Variants in TCF20 observed in about 807,000 individuals in gnomAD.
TCF20 encodes the protein transcription factor 20, also known as SPRE-binding protein.
A neutral mutation model predicts 148.6 loss-of-function variants in TCF20; 3 were observed. The observed-to-expected ratio is 0.02, with a 90% CI of 0.01 to 0.05. The LOEUF is 0.05. Ranked by LOEUF, TCF20 falls within the 10% of genes least tolerant of loss-of-function variation. The pLI, the probability that TCF20 is intolerant of heterozygous loss-of-function variation, is 1.00. For missense variants in TCF20, 2,350 were observed against 2,429.3 expected (o/e 0.97, Z 0.69); for synonymous variants, 1,049 against 909.5 (o/e 1.15, Z -2.76).
chr22:42,289,973 G>A (rs941979322), intron 1 of TCF20, among the ~76,000 whole-genome samples: 2 of 152,248 alleles, frequency 1.3e-5, no homozygotes, highest in South Asian at 4.1e-4. Flanking sequence ...AACTCCCACC[G>A]CTAATCGCCG....
rs1354787262 is a variant in TCF20, at chr22:42,213,788, T to C, written c.1518A>G (p.Gln506=). 1 of 1,613,988 alleles carries C rather than the reference T, an allele frequency of 6.2e-7. No homozygotes were observed. Among genetic ancestry groups the C allele is most frequent in the Admixed American group, 1.7e-5 (1 of 59,992 alleles). Reference sequence around the variant, plus strand: ...TAGGGGACTTCAGCTGTTCTTCAGGTTGTGAGGAGCCTTCAGAATTTGTGC... The same window carrying C: ...TAGGGGACTTCAGCTGTTCTTCAGGCTGTGAGGAGCCTTCAGAATTTGTGC... ...DSCTNSEGSS[Q]PEEQLKSPMA... The change falls in exon 2 of 6, where the codon CAA becomes CAG. Residue 506 remains glutamine, a synonymous_variant. Coordinates refer to ENST00000677622, the MANE Select transcript of TCF20 (RefSeq NM_001378418.1).
chr22:42,205,097 A>C (rs577093013), intron 2 of TCF20, among the ~76,000 whole-genome samples: 2 of 152,314 alleles, frequency 1.3e-5, no homozygotes, highest in East Asian at 3.9e-4. Context: ...AATGTCTCAA[A>C]GGTGATTTGT....
chr22:42,270,571 G>A lies in TCF20; in HGVS notation c.-269C>T, dbSNP rs1926557444. 2.7e-5 allele frequency among the ~76,000 whole-genome samples: 4 copies of A among 145,820 alleles called. No homozygotes were observed. The South Asian group carries it at 8.3e-4, about 30-fold the overall frequency. ...CGCCTCAGGGCGGGCTCCCCTGGCG[G>A]AGGCCGCGGCCGCCTCGCAGGGGCC... On this transcript the variant is annotated 5_prime_UTR_variant, in exon 1 of 6. Transcript: ENST00000677622.
Position 42,221,228 on chromosome 22 carries a change from T to C in TCF20, c.-36-5887A>G, listed in dbSNP as rs953245558. ...ACGTGGATTCATAGCGGCTTCCCCA[T>C]GAGCTCACGAGAACCATTCACTATG... On this transcript the variant is annotated intron_variant, in intron 1 of 5. Transcript: ENST00000677622. Among the ~76,000 whole-genome samples the C allele has an allele frequency of 9.2e-5, 14 of 152,350 alleles. No individual in the cohort carries two copies. The East Asian group carries it at 2.5e-3, about 27-fold the overall frequency.
intron 5 of TCF20, among the ~76,000 whole-genome samples, chr22:42,167,230 C>T (rs951619100): frequency 6.6e-6 from 1 of 152,234 alleles, no homozygotes; most frequent in Non-Finnish European, 1.5e-5. Flanking sequence ...CCACACTCAA[C>T]GCTCTATCAA....
Position 42,290,681 on chromosome 22 carries a change from G to A in TCF20, c.-37+52798C>T, listed in dbSNP as rs905774637. On this transcript the variant is annotated intron_variant, in intron 1 of 1. Coordinates refer to the TCF20 transcript ENST00000515426. The surrounding 1 kb of genome is among the most constrained non-coding windows in gnomAD (Gnocchi z 4.2). ...ACTCGCTGTGGCTGCAGCATACACC[G>A]CTGGGCCTGCCCCTTCAGCGTTGGT... is the stretch of plus-strand genomic sequence containing the variant. Among the ~76,000 whole-genome samples the A allele has an allele frequency of 1.1e-4, 16 of 152,356 alleles. No individual in the cohort carries two copies. The highest frequency in any genetic ancestry group is 3.4e-3 in the Middle Eastern group (1 of 294).
chr22:42,205,158 T>C (rs1417341175), intron 2 of TCF20, among the ~76,000 whole-genome samples: 1 of 152,244 alleles, frequency 6.6e-6, no homozygotes, highest in East Asian at 1.9e-4. Context: ...CTCTGTAATA[T>C]CATTCATGTC....
intron 1 of TCF20, among the ~76,000 whole-genome samples, chr22:42,240,015 C>CT (rs1924254810): frequency 6.6e-6 from 1 of 152,024 alleles, no homozygotes. Flanking sequence ...TGAGGTATCC[C>CT]TGTATTTCCA....
At position 42,214,459 on chromosome 22, in the gene TCF20, C is replaced by T; in HGVS notation, c.847G>A (p.Ala283Thr). 1 of 1,614,138 alleles carries T rather than the reference C, an allele frequency of 6.2e-7. No individual in the cohort carries two copies. Among genetic ancestry groups the T allele is most frequent in the Non-Finnish European group, 8.5e-7 (1 of 1,180,032 alleles). The change falls in exon 2 of 6, where the codon GCT becomes ACT. Residue 283 changes from alanine (A) to threonine (T), a missense_variant. Ala to Thr is a moderately conservative substitution (Grantham distance 58). Transcript: ENST00000677622. ...CTGTAATTGGATTGTGTTCCATAAG[C>T]CTGTGCATTAGAACCCACATTGTGT... ...EGHNVGSNAQ[A>T]YGTQSNYSYQ...
chr22:42,312,837 C>G (rs564075535), intron 1 of TCF20, among the ~76,000 whole-genome samples: 83 of 152,260 alleles, frequency 5.5e-4, no homozygotes, highest in Non-Finnish European at 1.0e-3. Flanking sequence ...CAGGTGAAAG[C>G]ATGGGGCCCC....
intron 1 of TCF20, among the ~76,000 whole-genome samples, chr22:42,221,472 T>C (rs1183824603): frequency 2.6e-5 from 4 of 152,184 alleles, no homozygotes; most frequent in Non-Finnish European, 2.9e-5. Flanking sequence ...GTTCTTCTCA[T>C]TCCTAGGATT....
intron 1 of TCF20, among the ~76,000 whole-genome samples, chr22:42,269,559 G>A (rs894307847): frequency 1.4e-4 from 22 of 152,114 alleles, no homozygotes; most frequent in African/African-American, 4.3e-4. Context: ...GATTGGCCAC[G>A]CTCCTTCAAA....
chr22:42,281,494 A>T (rs939590825), intron 1 of TCF20, among the ~76,000 whole-genome samples: 27 of 152,284 alleles, frequency 1.8e-4, no homozygotes, highest in Admixed American at 1.7e-3. Context: ...CAACGGCTTC[A>T]GCCACAGAGT....
chr22:42,282,529 C>G (rs1365303816), intron 1 of TCF20, among the ~76,000 whole-genome samples: 1 of 152,272 alleles, frequency 6.6e-6, no homozygotes, highest in Non-Finnish European at 1.5e-5. Context: ...GAGCGCCCAG[C>G]CCTGGCCTTC....
chr22:42,328,541 A>C (rs1009555897), intron 1 of TCF20, among the ~76,000 whole-genome samples: 1 of 152,068 alleles, frequency 6.6e-6, no homozygotes, highest in African/African-American at 2.4e-5. Flanking sequence ...TTGGTTGCAC[A>C]TCCAGGCTCT....
chr22:42,197,573 C>T (rs188252208), intron 2 of TCF20, among the ~76,000 whole-genome samples: 3 of 152,136 alleles, frequency 2.0e-5, no homozygotes, highest in African/African-American at 4.8e-5. Context: ...CCGCCCGTCT[C>T]GGCCTGCCAA....
At chr22:42,295,091 G>A (rs1927207031) in intron 1 of TCF20, among the ~76,000 whole-genome samples, 1 of 152,206 alleles carries the variant, frequency 6.6e-6, no homozygotes, top group African/African-American at 2.4e-5. Flanking sequence ...CTGCCACTGA[G>A]GGAGATGACA....
chr22:42,215,449 T>G, intron 1 of TCF20, 108 bp from the exon 2 acceptor site: 1 of 1,363,670 alleles, frequency 7.3e-7, no homozygotes, highest in Non-Finnish European at 9.7e-7. Flanking sequence ...CAGATGAAGC[T>G]GACTGGTTTG....
chr22:42,231,803 C>T (rs957573702), intron 1 of TCF20, among the ~76,000 whole-genome samples: 4 of 151,848 alleles, frequency 2.6e-5, no homozygotes, highest in Admixed American at 1.3e-4. Context: ...GTGGCGGGCA[C>T]CTGTAGTCCC....
Sources: allele counts gnomAD v4.1 joint callset (sites outside exome capture counted in the v4.1 genomes callset), GRCh38; gene constraint gnomAD v4.1.1; non-coding constraint Gnocchi (gnomAD v3.1); transcripts MANE v1.5; gene names NCBI Gene and HGNC (gene_info 2026-07-23, HGNC 2026-07-21).